Variants in EXOC4 observed in about 807,000 individuals in gnomAD.
The protein encoded by EXOC4 is exocyst complex component 4, also known as SEC8-like 1.
In EXOC4, 71 loss-of-function variants were observed where a neutral mutation model predicts 107.2. That is an observed-to-expected ratio of 0.66 (90% CI 0.55 to 0.81). EXOC4 has a LOEUF of 0.81. Among genes scored for constraint, EXOC4 ranks in the 30% least tolerant of loss-of-function variants. EXOC4 has a pLI of 0.00. For missense variants in EXOC4, 1,108 were observed against 1,189.6 expected, an observed-to-expected ratio of 0.93 and a Z score of 1.01; for synonymous variants, 456 against 441.2, an observed-to-expected ratio of 1.03 and a Z score of -0.42.
At chr7:134,091,720 T>C in the EXOC4 span, among the ~76,000 whole-genome samples, 1 of 152,182 alleles carries the variant, frequency 6.6e-6, no homozygotes, top group Non-Finnish European at 1.5e-5. Flanking sequence ...AGTAAATTTA[T>C]AAGCAGAGTA....
the EXOC4 span, among the ~76,000 whole-genome samples, chr7:134,089,759 A>C: frequency 6.6e-6 from 1 of 152,174 alleles, no homozygotes; most frequent in African/African-American, 2.4e-5. Context: ...TTACTTTAGG[A>C]CAAGAATTTA....
chr7:133,316,139 AAAC>A (rs904510301), intron 4 of EXOC4, among the ~76,000 whole-genome samples: 5 of 152,336 alleles, frequency 3.3e-5, no homozygotes, highest in African/African-American at 1.2e-4. Flanking sequence ...ATCTCTGAAA[AAAC>A]ATGTTTGTTT....
intron 9 of EXOC4, among the ~76,000 whole-genome samples, chr7:133,583,551 T>G (rs1205533285): frequency 6.6e-6 from 1 of 152,156 alleles, no homozygotes; most frequent in Admixed American, 6.5e-5. Context: ...GTTAGCCAGA[T>G]GTACTAGATA....
chr7:133,800,777 G>A (rs1796923426), intron 10 of EXOC4, among the ~76,000 whole-genome samples: 1 of 152,180 alleles, frequency 6.6e-6, no homozygotes, highest in South Asian at 2.1e-4. Flanking sequence ...GTGTGGGTAG[G>A]CAGGCATCTT....
chr7:133,484,343 A>G, intron 9 of EXOC4: 1 of 499,960 alleles, frequency 2.0e-6, no homozygotes, highest in Non-Finnish European at 3.3e-6. Context: ...GTGGAGATCT[A>G]ACTTGTGGGT....
At chr7:133,903,478 C>T (rs1799500748) in intron 12 of EXOC4, among the ~76,000 whole-genome samples, 2 of 151,962 alleles carry the variant, frequency 1.3e-5, no homozygotes, top group South Asian at 4.2e-4. Context: ...GAATTCCCTG[C>T]CAGATTGAAG....
At chr7:133,799,241 T>C (rs576261286) in intron 10 of EXOC4, among the ~76,000 whole-genome samples, 1 of 152,320 alleles carries the variant, frequency 6.6e-6, no homozygotes, top group Non-Finnish European at 1.5e-5. Context: ...AATAATTATG[T>C]CACATAAAAA....
intron 11 of EXOC4, among the ~76,000 whole-genome samples, chr7:133,882,976 T>C (rs1798997851): frequency 6.6e-6 from 1 of 152,174 alleles, no homozygotes; most frequent in South Asian, 2.1e-4. Context: ...AAAGAATTTT[T>C]CCATACATTT....
In EXOC4 at chr7:133,857,844, C is replaced by A. The variant is rs577060804; in HGVS notation, c.1735-37755C>A. Among the ~76,000 whole-genome samples the A allele has an allele frequency of 3.3e-5, 5 of 152,246 alleles. No homozygotes were observed. In the East Asian group the frequency reaches 9.7e-4, roughly 30 times the overall value. ...GCGCTCTGCAGCTCTCTCATTTCCA[C>A]CACCCACAGCTCGGCGGATCGGGCG... On this transcript the variant is annotated intron_variant, in intron 11 of 17. Coordinates refer to ENST00000253861, the MANE Select transcript of EXOC4 (RefSeq NM_021807.4).
chr7:133,291,546 T>G (rs754012865), intron 3 of EXOC4, among the ~76,000 whole-genome samples: 4 of 151,972 alleles, frequency 2.6e-5, no homozygotes, highest in Admixed American at 2.0e-4. Context: ...CACACCTGGC[T>G]AATTTTTGCA....
chr7:133,966,643 G>A (rs1208893378), intron 14 of EXOC4, among the ~76,000 whole-genome samples: 2 of 152,166 alleles, frequency 1.3e-5, no homozygotes, highest in Admixed American at 6.5e-5. Context: ...ATTTGCGTAT[G>A]TTGAACCAGC....
rs1472466211 is a variant in EXOC4 at position 133,895,684 on chromosome 7, T to C, written c.1820T>C (p.Met607Thr). ...GCATATTCAGATCAATTCCTCAACATGGTGTGCGTGAAGCTCCAGGAGTAC... is the reference window on the plus strand; with the variant it reads ...GCATATTCAGATCAATTCCTCAACACGGTGTGCGTGAAGCTCCAGGAGTAC... The part of the protein sequence containing the change: ...LSAYSDQFLN[M>T]VCVKLQEYKD... Residue 607 changes from methionine to threonine, a missense_variant, in exon 12 of 18, where the codon ATG becomes ACG. Transcript: ENST00000253861. The C allele has an allele frequency of 2.5e-6, 4 of 1,614,032 alleles. No individual in the cohort carries two copies. The highest frequency in any genetic ancestry group is 2.5e-6 in the Non-Finnish European group (3 of 1,180,008).
intron 7 of EXOC4, among the ~76,000 whole-genome samples, chr7:133,467,735 C>G (rs1038005706): frequency 6.6e-6 from 1 of 151,474 alleles, no homozygotes; most frequent in Admixed American, 6.6e-5. Flanking sequence ...TTTGCTTGTT[C>G]TGTTCTGTGC....
At chr7:133,430,989 G>A (rs1563063098) in intron 7 of EXOC4, among the ~76,000 whole-genome samples, 1 of 152,164 alleles carries the variant, frequency 6.6e-6, no homozygotes. Context: ...TAAATACTAG[G>A]TGCTTAGCAA....
chr7:134,100,851 G>A, the EXOC4 span, among the ~76,000 whole-genome samples: 2 of 129,100 alleles, frequency 1.5e-5, 1 homozygote. Context: ...GGCTGAGGCA[G>A]GAGAATCGCT....
At chr7:133,561,259 T>G (rs758370374) in intron 9 of EXOC4, among the ~76,000 whole-genome samples, 5 of 152,226 alleles carry the variant, frequency 3.3e-5, no homozygotes, top group Non-Finnish European at 5.9e-5. Context: ...GGCCTTTAGG[T>G]AGCCAGTCAA....
intron 11 of EXOC4, among the ~76,000 whole-genome samples, chr7:133,819,837 A>G (rs1262089758): frequency 9.6e-6 from 1 of 103,710 alleles, no homozygotes; most frequent in Non-Finnish European, 1.8e-5. Context: ...CAGCTTCAGT[A>G]GCAAAGATGC....
At chr7:133,370,843 G>C (rs1410020237) in intron 6 of EXOC4, among the ~76,000 whole-genome samples, 1 of 152,156 alleles carries the variant, frequency 6.6e-6, no homozygotes, top group Non-Finnish European at 1.5e-5. Flanking sequence ...CTAGTTCTGT[G>C]CATTTCCTAA....
intron 7 of EXOC4, among the ~76,000 whole-genome samples, chr7:133,424,038 A>T (rs1386440148): frequency 6.6e-6 from 1 of 152,140 alleles, no homozygotes; most frequent in Non-Finnish European, 1.5e-5. Context: ...GCACTCTGTC[A>T]AAATGGACCA....
Sources: gnomAD v4.1 joint callset for allele counts (sites outside exome capture counted in the v4.1 genomes callset) on GRCh38, gnomAD v4.1.1 for gene constraint, MANE v1.5 for transcripts, NCBI Gene and HGNC (gene_info 2026-07-23, HGNC 2026-07-21) for gene names.